The following FHIT variants were observed in gnomAD, a reference collection of about 807,000 sequenced individuals.
The protein encoded by FHIT is bis(5'-adenosyl)-triphosphatase.
Under a neutral mutation model 17.9 loss-of-function variants are expected in FHIT, and 19 were observed. The ratio of observed to expected loss-of-function variants is 1.06; its 90% CI spans 0.74 to 1.56. The LOEUF is 1.56. Ranked by LOEUF, FHIT falls within the 40% of genes most tolerant of loss-of-function variation. The pLI, the probability that FHIT is intolerant of heterozygous loss-of-function variation, is 0.00. For synonymous variants in FHIT, 81 were observed against 69.7 expected (o/e 1.16, Z -0.81); for missense variants, 248 against 189.2 (o/e 1.31, Z -1.82).
chr3:61,017,881 C>T (rs556891328), intron 3 of FHIT, among the ~76,000 whole-genome samples: 170 of 152,184 alleles, frequency 1.1e-3, no homozygotes, highest in African/African-American at 4.0e-3. Context: ...CCACAAAATA[C>T]TGGAAAAGAT....
intron 4 of FHIT, among the ~76,000 whole-genome samples, chr3:60,631,993 G>A (rs1440995120): frequency 4.6e-5 from 7 of 152,126 alleles, no homozygotes; most frequent in African/African-American, 1.4e-4. Flanking sequence ...AAACACCACG[G>A]GTAGGACTCT....
chr3:59,754,738 C>T (rs1381141360), intron 8 of FHIT, among the ~76,000 whole-genome samples: 1 of 152,142 alleles, frequency 6.6e-6, no homozygotes, highest in East Asian at 1.9e-4. Context: ...AACATTGTGC[C>T]AATCCTTAGA....
intron 5 of FHIT, among the ~76,000 whole-genome samples, chr3:60,184,807 T>C (rs1702092516): frequency 6.6e-6 from 1 of 152,224 alleles, no homozygotes; most frequent in Non-Finnish European, 1.5e-5. Flanking sequence ...TATTTGTTTA[T>C]TCAATCATTT....
intron 4 of FHIT, among the ~76,000 whole-genome samples, chr3:60,798,901 G>C (rs1381574788): frequency 1.3e-5 from 2 of 151,428 alleles, no homozygotes; most frequent in African/African-American, 2.4e-5. Flanking sequence ...GGGATCACAG[G>C]TGTGCACCAC....
chr3:59,765,910 T>C (rs1701772023), intron 8 of FHIT, among the ~76,000 whole-genome samples: 1 of 152,198 alleles, frequency 6.6e-6, no homozygotes, highest in Non-Finnish European at 1.5e-5. Context: ...AAATGTTTGA[T>C]AGTGACACAC....
chr3:60,314,359 G>C (rs1212437691), intron 5 of FHIT, among the ~76,000 whole-genome samples: 2 of 152,150 alleles, frequency 1.3e-5, no homozygotes, highest in Non-Finnish European at 2.9e-5. Flanking sequence ...GCTTCAATCT[G>C]ACAGTTAACT....
chr3:60,404,441 A>G lies in FHIT; in HGVS notation c.103+132419T>C, dbSNP rs1012614617. Reference sequence around the variant, plus strand: ...GTCTCGGGATGTGACAGTAGCTAAGACCCTCTTTCTGACCTAGAGAAAAAT... The same window carrying G: ...GTCTCGGGATGTGACAGTAGCTAAGGCCCTCTTTCTGACCTAGAGAAAAAT... On this transcript the variant is annotated intron_variant, in intron 5 of 9. Transcript: ENST00000492590. 1.6e-4 allele frequency among the ~76,000 whole-genome samples: 25 copies of G among 152,092 alleles called. 1 individual carries two copies. Among genetic ancestry groups the G allele is most frequent in the Admixed American group, 3.9e-4 (6 of 15,276 alleles).
At chr3:61,169,265 C>T (rs1866433) in intron 2 of FHIT, among the ~76,000 whole-genome samples, 70,530 of 152,016 alleles carry the variant, frequency 0.46, 17,188 homozygotes, top group East Asian at 0.85. Context: ...TGACTTCCTA[C>T]TGTGGAGAAA....
chr3:60,251,119 G>A (rs213392), intron 5 of FHIT, among the ~76,000 whole-genome samples: 21,227 of 152,164 alleles, frequency 0.14, 1,882 homozygotes, highest in African/African-American at 0.25. Flanking sequence ...TTATGCAATC[G>A]AGGGGAAAGA....
At chr3:59,878,933 C>T (rs1163369581) in intron 8 of FHIT, among the ~76,000 whole-genome samples, 1 of 152,022 alleles carries the variant, frequency 6.6e-6, no homozygotes, top group Non-Finnish European at 1.5e-5. Flanking sequence ...TGTGATTAAA[C>T]CCAAGCATTC....
chr3:60,443,470 T>G (rs897535923), intron 5 of FHIT, among the ~76,000 whole-genome samples: 4 of 152,040 alleles, frequency 2.6e-5, no homozygotes, highest in African/African-American at 7.2e-5. Flanking sequence ...TTATTGAGAG[T>G]TTTTAGCATG....
intron 7 of FHIT, among the ~76,000 whole-genome samples, chr3:59,986,540 T>TATATATATATATACACAC (rs1473518719): frequency 8.0e-5 from 1 of 12,442 alleles, no homozygotes; most frequent in Non-Finnish European, 1.3e-4. Flanking sequence ...TATATATATA[T>TATATATATATATACACAC]ACACACACAC....
At chr3:60,540,290 G>A (rs1296340914) in intron 4 of FHIT, among the ~76,000 whole-genome samples, 4 of 152,192 alleles carry the variant, frequency 2.6e-5, no homozygotes, top group Non-Finnish European at 4.4e-5. Flanking sequence ...AATATTTGCT[G>A]TGATAAACTG....
intron 5 of FHIT, among the ~76,000 whole-genome samples, chr3:60,088,562 C>G (rs1472374034): frequency 6.6e-6 from 1 of 152,202 alleles, no homozygotes; most frequent in Non-Finnish European, 1.5e-5. Context: ...CTGACTTCTT[C>G]AGCAAGGTCT....
chr3:59,976,680 T>C (rs1341082822), intron 7 of FHIT, among the ~76,000 whole-genome samples: 2 of 152,036 alleles, frequency 1.3e-5, no homozygotes, highest in African/African-American at 4.8e-5. Context: ...CTAAATCAAA[T>C]CGATATTTGC....
At chr3:60,176,028 T>C (rs532349289) in intron 5 of FHIT, among the ~76,000 whole-genome samples, 10 of 152,316 alleles carry the variant, frequency 6.6e-5, no homozygotes, top group Admixed American at 5.9e-4. Flanking sequence ...TTAAATATCA[T>C]TGAGTTAATT....
chr3:61,178,436 G>A (rs933780642), intron 2 of FHIT, among the ~76,000 whole-genome samples: 11 of 150,620 alleles, frequency 7.3e-5, no homozygotes, highest in East Asian at 3.9e-4. Flanking sequence ...GGGATAAGAG[G>A]TGTTATTTTC....
At chr3:60,495,022 C>T (rs2034237562) in intron 5 of FHIT, among the ~76,000 whole-genome samples, 1 of 152,096 alleles carries the variant, frequency 6.6e-6, no homozygotes, top group Non-Finnish European at 1.5e-5. Flanking sequence ...GTTAGCTCTA[C>T]TTTTAGTTTT....
chr3:60,848,511 C>G (rs1188548541), intron 3 of FHIT, among the ~76,000 whole-genome samples: 1 of 152,100 alleles, frequency 6.6e-6, no homozygotes, highest in African/African-American at 2.4e-5. Flanking sequence ...CCCTTCAACC[C>G]CTGAAGATTT....
Sources: allele counts gnomAD v4.1 joint callset (sites outside exome capture counted in the v4.1 genomes callset), GRCh38; gene constraint gnomAD v4.1.1; transcripts MANE v1.5; gene names NCBI Gene and HGNC (gene_info 2026-07-23, HGNC 2026-07-21).